ARHGAP15: variants seen among roughly 807,000 people sequenced by gnomAD.
ARHGAP15 encodes rho GTPase-activating protein 15.
Under a neutral mutation model 63.7 loss-of-function variants are expected in ARHGAP15, and 51 were observed. The observed-to-expected ratio is 0.80, with a 90% CI of 0.64 to 1.01. The LOEUF (loss-of-function observed/expected upper bound fraction) is 1.01, where lower values mean the gene tolerates loss of function less well. ARHGAP15 is among the 50% of genes least tolerant of loss of function. The pLI is 0.00. For synonymous variants in ARHGAP15, 191 were observed against 193.8 expected, an observed-to-expected ratio of 0.99 and a Z score of 0.12; for missense variants, 560 against 564.6, an observed-to-expected ratio of 0.99 and a Z score of 0.08.
rs188457514 is a variant in ARHGAP15 at position 143,286,666 on chromosome 2, A to G, written c.474+36066A>G. On this transcript the variant is annotated intron_variant, in intron 6 of 13. Transcript: ENST00000295095. ...AAAAAGAGAATCTCAGTAACTATACAGGAATCAAAGGATTTAGTAAAATGG... is the reference window on the plus strand; with the variant it reads ...AAAAAGAGAATCTCAGTAACTATACGGGAATCAAAGGATTTAGTAAAATGG... 3.5e-3 allele frequency among the ~76,000 whole-genome samples: 527 copies of G among 152,340 alleles called. 4 individuals are homozygous for G. Among genetic ancestry groups the G allele is most frequent in the African/African-American group, 0.012 (481 of 41,576 alleles).
chr2:143,586,499 C>T (rs1697114151), intron 11 of ARHGAP15, among the ~76,000 whole-genome samples: 1 of 151,562 alleles, frequency 6.6e-6, no homozygotes, highest in Non-Finnish European at 1.5e-5. Context: ...TATATAATTT[C>T]TTCTAGTTTG....
chr2:143,442,076 G>A lies in ARHGAP15; in HGVS notation c.703+5034G>A, dbSNP rs574311806. ...TTAAAATGCTACGGACTTTTAACTT[G>A]TCTTTGTTTAAAAAATTTGCCTGCA... On this transcript the variant is annotated intron_variant, in intron 8 of 13. Transcript: ENST00000295095. Among the ~76,000 whole-genome samples, 20 of 152,218 alleles carry A rather than the reference G, an allele frequency of 1.3e-4. 1 individual carries two copies. The highest frequency in any genetic ancestry group is 9.2e-4 in the Admixed American group (14 of 15,278).
chr2:143,312,976 T>C (rs1683518387), intron 6 of ARHGAP15, among the ~76,000 whole-genome samples: 1 of 152,172 alleles, frequency 6.6e-6, no homozygotes, highest in African/African-American at 2.4e-5. Context: ...TGTCACACTT[T>C]ACACCATGGT....
chr2:143,269,425 T>G lies in ARHGAP15; in HGVS notation c.474+18825T>G, dbSNP rs550093482. 7.2e-5 allele frequency among the ~76,000 whole-genome samples: 11 copies of G among 152,308 alleles called. 1 individual carries two copies. The highest frequency in any genetic ancestry group is 2.4e-4 in the African/African-American group (10 of 41,582). ...AATTTCACTATCATAGTGATTTGAT[T>G]GTATTTTTTATAACAGTACTCCTTT... On this transcript the variant is annotated intron_variant, in intron 6 of 13. Transcript: ENST00000295095.
At chr2:143,190,673 G>A (rs753037199) in intron 2 of ARHGAP15, among the ~76,000 whole-genome samples, 2 of 152,208 alleles carry the variant, frequency 1.3e-5, no homozygotes, top group Non-Finnish European at 1.5e-5. Flanking sequence ...TAGCCTTTCT[G>A]AATGATGGCT....
intron 6 of ARHGAP15, among the ~76,000 whole-genome samples, chr2:143,387,418 C>G (rs1030945768): frequency 2.6e-4 from 39 of 152,104 alleles, no homozygotes; most frequent in Admixed American, 2.5e-3. Flanking sequence ...TGAGTGAACT[C>G]TTTAAAAAAA....
At chr2:143,624,340 A>G (rs1698757921) in intron 12 of ARHGAP15, 73 bp downstream of exon 12, 1 of 1,444,690 alleles carries the variant, frequency 6.9e-7, no homozygotes, top group Non-Finnish European at 9.3e-7. Context: ...AATAATAAGA[A>G]TGATTATAAT....
rs563067342 is a variant in ARHGAP15, at chr2:143,293,300, C to A, written c.474+42700C>A. On this transcript the variant is annotated intron_variant, in intron 6 of 13. Transcript: ENST00000295095. ...AGGAAGTCATCATCCTCATCACTAG[C>A]AACTGACATTTATTAGGTCCTCATA... 3.9e-5 allele frequency among the ~76,000 whole-genome samples: 6 copies of A among 152,182 alleles called. No homozygotes were observed. In the East Asian group the frequency reaches 1.2e-3, roughly 29 times the overall value.
At chr2:143,248,340 C>T (rs1477959197) in intron 5 of ARHGAP15, among the ~76,000 whole-genome samples, 2 of 152,238 alleles carry the variant, frequency 1.3e-5, no homozygotes, top group East Asian at 1.9e-4. Context: ...GGCAAGATCA[C>T]GTTTAACAGA....
intron 12 of ARHGAP15, among the ~76,000 whole-genome samples, chr2:143,650,519 T>A (rs1368756987): frequency 6.6e-6 from 1 of 151,970 alleles, no homozygotes; most frequent in Non-Finnish European, 1.5e-5. Context: ...AGTTCTTCAG[T>A]GAACCAAGTC....
At chr2:143,647,752 A>G (rs1344944837) in intron 12 of ARHGAP15, among the ~76,000 whole-genome samples, 1 of 152,076 alleles carries the variant, frequency 6.6e-6, no homozygotes, top group Non-Finnish European at 1.5e-5. Context: ...GTTAAATTAC[A>G]ATGAAAATTC....
chr2:143,418,723 G>A (rs1688788077), intron 6 of ARHGAP15, among the ~76,000 whole-genome samples: 2 of 152,138 alleles, frequency 1.3e-5, no homozygotes, highest in Non-Finnish European at 2.9e-5. Flanking sequence ...GTTGTCCCAT[G>A]AACAATGTGG....
chr2:143,539,954 T>G (rs1694968765), intron 10 of ARHGAP15, among the ~76,000 whole-genome samples: 1 of 152,080 alleles, frequency 6.6e-6, no homozygotes, highest in Admixed American at 6.6e-5. Context: ...TCTGTCTCGT[T>G]GATCTGTCTA....
chr2:143,653,165 A>G (rs1228243343), intron 12 of ARHGAP15, among the ~76,000 whole-genome samples: 1 of 152,116 alleles, frequency 6.6e-6, no homozygotes, highest in Non-Finnish European at 1.5e-5. Context: ...GTCTGTTAAT[A>G]CAACAACTAC....
intron 6 of ARHGAP15, among the ~76,000 whole-genome samples, chr2:143,252,250 A>T (rs896855373): frequency 6.6e-6 from 1 of 152,046 alleles, no homozygotes; most frequent in African/African-American, 2.4e-5. Context: ...TTGATGAAAA[A>T]ATTATGTATA....
In ARHGAP15 at chr2:143,365,936, G is replaced by A. The variant is rs555189282; in HGVS notation, c.475-69665G>A. Among the ~76,000 whole-genome samples, 35 of 152,212 alleles carry A rather than the reference G, an allele frequency of 2.3e-4. No individual in the cohort carries two copies. The South Asian group carries it at 3.3e-3, about 14-fold the overall frequency. On this transcript the variant is annotated intron_variant, in intron 6 of 13. Coordinates refer to ENST00000295095, the MANE Select transcript of ARHGAP15 (RefSeq NM_018460.4). Reference sequence around the variant, plus strand: ...TTGGGTTTTTCGATTCTTCTAGAAAGCTTACTTCACATTTCCAGCTGTCTA... The same window carrying A: ...TTGGGTTTTTCGATTCTTCTAGAAAACTTACTTCACATTTCCAGCTGTCTA...
chr2:143,397,290 A>G (rs1446471236), intron 6 of ARHGAP15, among the ~76,000 whole-genome samples: 1 of 151,120 alleles, frequency 6.6e-6, no homozygotes, highest in African/African-American at 2.4e-5. Flanking sequence ...AAAGACAAAT[A>G]TGGACAATAA....
At chr2:143,200,574 T>C (rs1692074534) in intron 2 of ARHGAP15, among the ~76,000 whole-genome samples, 1 of 151,974 alleles carries the variant, frequency 6.6e-6, no homozygotes, top group Admixed American at 6.6e-5. Context: ...TCTCTCATCC[T>C]CCTCATGCCC....
chr2:143,639,847 C>A (rs1194173306), intron 12 of ARHGAP15, among the ~76,000 whole-genome samples: 1 of 152,132 alleles, frequency 6.6e-6, no homozygotes, highest in East Asian at 1.9e-4. Context: ...TGTCTACTCA[C>A]ATTCAGTGGT....
Sources: gnomAD v4.1 joint callset for allele counts (sites outside exome capture counted in the v4.1 genomes callset) on GRCh38, gnomAD v4.1.1 for gene constraint, MANE v1.5 for transcripts, NCBI Gene and HGNC (gene_info 2026-07-23, HGNC 2026-07-21) for gene names.